SEMA3D: variants seen among roughly 807,000 people sequenced by gnomAD.
SEMA3D encodes the protein semaphorin-3D.
Under a neutral mutation model 100.1 loss-of-function variants are expected in SEMA3D, and 84 were observed. The ratio of observed to expected loss-of-function variants is 0.84; its 90% CI spans 0.70 to 1.01. SEMA3D has a LOEUF of 1.01. Ranked by LOEUF, SEMA3D falls within the 50% of genes least tolerant of loss-of-function variation. SEMA3D has a pLI of 0.00. For synonymous variants in SEMA3D, 312 were observed against 320.7 expected, an observed-to-expected ratio of 0.97 and a Z score of 0.29; for missense variants, 875 against 934.1, an observed-to-expected ratio of 0.94 and a Z score of 0.82.
chr7:85,125,318 C>G (rs571495312), intron 2 of SEMA3D, among the ~76,000 whole-genome samples: 1 of 152,128 alleles, frequency 6.6e-6, no homozygotes, highest in African/African-American at 2.4e-5. Flanking sequence ...GGGTTAATGG[C>G]CCTTGGCTAT....
intron 11 of SEMA3D, among the ~76,000 whole-genome samples, chr7:85,038,361 G>A (rs183083038): frequency 2.8e-4 from 42 of 152,302 alleles, no homozygotes; most frequent in African/African-American, 8.9e-4. Context: ...TGGAGGTGGC[G>A]TTGCCACAGA....
At chr7:85,135,656 A>C (rs1789841554) in intron 2 of SEMA3D, among the ~76,000 whole-genome samples, 2 of 147,494 alleles carry the variant, frequency 1.4e-5, no homozygotes. Flanking sequence ...TAAGTATAAT[A>C]AAATAAATAA....
At chr7:85,046,104 T>C (rs1216791108) in intron 9 of SEMA3D, among the ~76,000 whole-genome samples, 1 of 151,996 alleles carries the variant, frequency 6.6e-6, no homozygotes, top group Non-Finnish European at 1.5e-5. Context: ...ACAGAATATA[T>C]GCTGAAATTA....
intron 9 of SEMA3D, among the ~76,000 whole-genome samples, chr7:85,047,813 A>T (rs1285062259): frequency 6.6e-6 from 1 of 151,858 alleles, no homozygotes; most frequent in East Asian, 1.9e-4. Flanking sequence ...CTGGAGTTAG[A>T]GGTTATAAAT....
At chr7:85,070,951 T>C (rs1230533494) in intron 6 of SEMA3D, among the ~76,000 whole-genome samples, 1 of 152,162 alleles carries the variant, frequency 6.6e-6, no homozygotes, top group Non-Finnish European at 1.5e-5. Flanking sequence ...CGGCTACATT[T>C]GTATTATTAG....
chr7:85,010,103 A>C (rs1789910960), intron 17 of SEMA3D, among the ~76,000 whole-genome samples: 1 of 151,804 alleles, frequency 6.6e-6, no homozygotes, highest in Non-Finnish European at 1.5e-5. Flanking sequence ...AGATGGAGCT[A>C]AGTAAACATC....
In SEMA3D at chr7:85,106,123, GT is replaced by G. The variant is rs1562820555; in HGVS notation, c.152-8159del. ...AAAAAGTTAGTATTATAAATATCTA[GT>G]ACATTTCCAGAAAAGCAATGTCACG... On this transcript the variant is annotated intron_variant, in intron 3 of 18. Coordinates refer to ENST00000284136, the MANE Select transcript of SEMA3D (RefSeq NM_001384900.1). Among the ~76,000 whole-genome samples, 18 of 152,040 alleles carry G rather than the reference GT, an allele frequency of 1.2e-4. No individual in the cohort carries two copies. In the South Asian group the frequency reaches 2.5e-3, roughly 21 times the overall value.
intron 2 of SEMA3D, among the ~76,000 whole-genome samples, chr7:85,131,529 T>G (rs1789724792): frequency 6.6e-6 from 1 of 152,162 alleles, no homozygotes; most frequent in South Asian, 2.1e-4. Flanking sequence ...GGTGAATATG[T>G]GTAGTACTTG....
intron 2 of SEMA3D, among the ~76,000 whole-genome samples, chr7:85,122,294 G>A (rs1004056382): frequency 1.3e-5 from 2 of 150,910 alleles, no homozygotes; most frequent in Non-Finnish European, 1.5e-5. Context: ...AAATTATAAT[G>A]TTCTGAATGT....
intron 17 of SEMA3D, among the ~76,000 whole-genome samples, chr7:85,011,040 G>GAAAAC (rs930855081): frequency 1.3e-5 from 2 of 151,720 alleles, no homozygotes; most frequent in Non-Finnish European, 1.5e-5. Context: ...TCATTTCTCT[G>GAAAAC]AAAACAAAAC....
chr7:85,228,842 C>A, the SEMA3D span, among the ~76,000 whole-genome samples: 1 of 150,962 alleles, frequency 6.6e-6, no homozygotes, highest in Non-Finnish European at 1.5e-5. Context: ...AAGAAAGAAA[C>A]AACAACAAAT....
chr7:85,129,416 GA>G (rs1395420654), intron 2 of SEMA3D, among the ~76,000 whole-genome samples: 2 of 152,012 alleles, frequency 1.3e-5, no homozygotes, highest in African/African-American at 2.4e-5. Context: ...AATATTTACT[GA>G]AAAAAATTAG....
At chr7:85,128,382 G>C (rs1029780016) in intron 2 of SEMA3D, among the ~76,000 whole-genome samples, 6 of 151,852 alleles carry the variant, frequency 4.0e-5, no homozygotes, top group African/African-American at 1.5e-4. Context: ...TGTTGATCAG[G>C]CTGGTCTCAA....
At chr7:85,074,195 G>A (rs1791855945) in intron 5 of SEMA3D, among the ~76,000 whole-genome samples, 1 of 152,264 alleles carries the variant, frequency 6.6e-6, no homozygotes, top group Non-Finnish European at 1.5e-5. Context: ...GGTTATTAAG[G>A]AAGTTGGTAA....
At chr7:85,089,983 A>T (rs1334929332) in intron 4 of SEMA3D, among the ~76,000 whole-genome samples, 1 of 152,136 alleles carries the variant, frequency 6.6e-6, no homozygotes, top group Non-Finnish European at 1.5e-5. Context: ...TATAAATCTA[A>T]GAAGTCCACA....
chr7:85,086,737 A>G (rs185203672), intron 4 of SEMA3D, among the ~76,000 whole-genome samples: 176 of 151,986 alleles, frequency 1.2e-3, no homozygotes, highest in African/African-American at 4.0e-3. Context: ...AAAGGGAAAA[A>G]TAGAGATGTC....
chr7:85,236,097 A>T, the SEMA3D span, among the ~76,000 whole-genome samples: 1 of 152,006 alleles, frequency 6.6e-6, no homozygotes, highest in African/African-American at 2.4e-5. Flanking sequence ...TAAGGCAATT[A>T]CACATTGACC....
chr7:85,067,733 T>C (rs1329331346), intron 7 of SEMA3D, among the ~76,000 whole-genome samples: 2 of 152,204 alleles, frequency 1.3e-5, no homozygotes, highest in Non-Finnish European at 2.9e-5. Flanking sequence ...TTTCCACTGA[T>C]ATAATCAGGT....
At chr7:85,116,167 CAGAG>C (rs771073204) in intron 3 of SEMA3D, among the ~76,000 whole-genome samples, 8 of 149,780 alleles carry the variant, frequency 5.3e-5, no homozygotes, top group East Asian at 1.9e-4. Flanking sequence ...CAATTTGTTT[CAGAG>C]AGAGAGATAT....
Sources: allele counts gnomAD v4.1 joint callset (sites outside exome capture counted in the v4.1 genomes callset), GRCh38; gene constraint gnomAD v4.1.1; transcripts MANE v1.5; gene names NCBI Gene and HGNC (gene_info 2026-07-23, HGNC 2026-07-21).